Variants in CDADC1 observed in about 807,000 individuals in gnomAD.
CDADC1 encodes the protein dCTP deaminase.
A neutral mutation model predicts 54.9 loss-of-function variants in CDADC1; 39 were observed. The observed-to-expected ratio is 0.71, with a 90% CI of 0.55 to 0.93. The LOEUF (loss-of-function observed/expected upper bound fraction) is 0.93, where lower values mean the gene tolerates loss of function less well. Ranked by LOEUF, CDADC1 falls within the 40% of genes least tolerant of loss-of-function variation. CDADC1 has a pLI of 0.00. For missense variants in CDADC1, 518 were observed against 618.8 expected, an observed-to-expected ratio of 0.84 and a Z score of 1.73; for synonymous variants, 186 against 204.0, an observed-to-expected ratio of 0.91 and a Z score of 0.75.
intron 1 of CDADC1, 79 bp from the exon 2 acceptor site, chr13:49,248,792 G>T: frequency 1.1e-6 from 1 of 879,364 alleles, no homozygotes. Context: ...TTAGGCTGCA[G>T]CACCTAAGTG....
chr13:49,269,939 G>A (rs1397827812), intron 5 of CDADC1, among the ~76,000 whole-genome samples: 3 of 152,058 alleles, frequency 2.0e-5, no homozygotes, highest in African/African-American at 4.8e-5. Flanking sequence ...CCCTGCTTAC[G>A]CATTTGATGG....
chr13:49,272,447 C>T (rs1593826155), intron 5 of CDADC1, among the ~76,000 whole-genome samples: 1 of 152,060 alleles, frequency 6.6e-6, no homozygotes, highest in East Asian at 1.9e-4. Flanking sequence ...TCATCTCGTG[C>T]ACTCTGCTGT....
chr13:49,253,317 C>T (rs1226438224), intron 2 of CDADC1, among the ~76,000 whole-genome samples: 1 of 152,160 alleles, frequency 6.6e-6, no homozygotes, highest in African/African-American at 2.4e-5. Context: ...AATTGTTTCT[C>T]AGTCTTTTTT....
chr13:49,251,553 A>G (rs1256281626), intron 2 of CDADC1, among the ~76,000 whole-genome samples: 13 of 152,008 alleles, frequency 8.6e-5, no homozygotes, highest in Admixed American at 7.9e-4. Context: ...GCTGAAATTA[A>G]GTTTTTTTTT....
At chr13:49,281,939 C>G (rs1191035901) in intron 8 of CDADC1, among the ~76,000 whole-genome samples, 1 of 135,790 alleles carries the variant, frequency 7.4e-6, no homozygotes, top group Non-Finnish European at 1.6e-5. Flanking sequence ...CCCCACCCCC[C>G]AGTATCTGGG....
Position 49,292,501 on chromosome 13 carries a change from G to GA in CDADC1, c.*747dup. 1.9e-6 allele frequency: 2 copies of GA among 1,034,746 alleles called. No homozygotes were observed. The highest frequency in any genetic ancestry group is 2.3e-6 in the Non-Finnish European group (2 of 859,646). The allele number at this position is 1,034,746 out of a possible 1,614,324, so 64.1% of individuals were successfully genotyped here. On this transcript the variant is annotated 3_prime_UTR_variant, in exon 10 of 10. Transcript: ENST00000251108. Reference sequence around the variant, plus strand: ...AAGAAATATTTGAGTCTGGAATATTGAAACTAGCTTTCCTAGAATTCCATT... The same window carrying GA: ...AAGAAATATTTGAGTCTGGAATATTGAAAACTAGCTTTCCTAGAATTCCATT...
Position 49,253,036 on chromosome 13 carries a change from G to GA in CDADC1, c.178-2796dup, listed in dbSNP as rs924123245. On this transcript the variant is annotated intron_variant, in intron 2 of 9. Coordinates refer to ENST00000251108, the MANE Select transcript of CDADC1 (RefSeq NM_030911.4). ...GAGTACAAACTTTTTCCAATTAAGA[G>GA]AAAAAAAGTCTTCTTTAAGCTAAAG... 3.3e-5 allele frequency among the ~76,000 whole-genome samples: 5 copies of GA among 151,960 alleles called. No individual in the cohort carries two copies. The South Asian group carries it at 1.0e-3, about 32-fold the overall frequency.
intron 5 of CDADC1, among the ~76,000 whole-genome samples, chr13:49,269,588 C>T (rs1404550294): frequency 6.6e-6 from 1 of 152,118 alleles, no homozygotes; most frequent in Non-Finnish European, 1.5e-5. Context: ...TGTTTCTTTG[C>T]CAACTCCAGC....
intron 9 of CDADC1, among the ~76,000 whole-genome samples, chr13:49,291,481 C>A (rs947442351): frequency 2.0e-5 from 3 of 152,070 alleles, no homozygotes; most frequent in South Asian, 2.1e-4. Flanking sequence ...CAATGTGAAT[C>A]CAGTTTTTAA....
At chr13:49,279,477 C>A (rs1001735344) in intron 7 of CDADC1, among the ~76,000 whole-genome samples, 6 of 152,124 alleles carry the variant, frequency 3.9e-5, no homozygotes, top group African/African-American at 1.4e-4. Flanking sequence ...TGTTTAGGAG[C>A]ATGAATATTC....
intron 5 of CDADC1, among the ~76,000 whole-genome samples, chr13:49,271,897 G>A (rs942338614): frequency 2.0e-5 from 3 of 152,184 alleles, no homozygotes; most frequent in Non-Finnish European, 4.4e-5. Flanking sequence ...AGATTTTTGA[G>A]AAATTACCTC....
chr13:49,247,931 C>A lies in CDADC1; in HGVS notation c.-107C>A. 1.0e-6 allele frequency: 1 copy of A among 959,580 alleles called. No homozygotes were observed. The highest frequency in any genetic ancestry group is 1.6e-6 in the Non-Finnish European group (1 of 615,530). 59.4% of individuals were successfully genotyped at this position (959,580 alleles called of 1,614,324 possible). ...GCGTCATCTGGCTGCGCCTAGTGGG[C>A]CGTTGCCTTACAGTTGCTGAGAGGA... On this transcript the variant is annotated 5_prime_UTR_variant, in exon 1 of 10. Transcript: ENST00000251108.
At chr13:49,282,236 G>GGTTTTTTTTTTTTTTTTT (rs1555315245) in intron 8 of CDADC1, among the ~76,000 whole-genome samples, 2 of 94,140 alleles carry the variant, frequency 2.1e-5, no homozygotes, top group Middle Eastern at 7.6e-3. Context: ...GTTTTTGTGG[G>GGTTTTTTTTTTTTTTTTT]TTTTTTTTTT....
chr13:49,268,136 T>C, intron 5 of CDADC1, 77 bp downstream of exon 5: 1 of 1,158,560 alleles, frequency 8.6e-7, no homozygotes, highest in Non-Finnish European at 1.2e-6. Context: ...TCATTTATGG[T>C]AGAGTTCATT....
At chr13:49,291,344 A>AAT (rs1555316657) in intron 9 of CDADC1, among the ~76,000 whole-genome samples, 50 of 150,042 alleles carry the variant, frequency 3.3e-4, no homozygotes, top group Admixed American at 7.3e-4. Context: ...AAAAAAAAAA[A>AAT]TTTTTTTTGT....
intron 9 of CDADC1, among the ~76,000 whole-genome samples, chr13:49,289,962 C>T (rs1031727227): frequency 8.5e-5 from 13 of 152,148 alleles, no homozygotes; most frequent in African/African-American, 2.9e-4. Flanking sequence ...AGGAGGATCA[C>T]CTGAGCCCAG....
chr13:49,261,541 T>C (rs1202733485), intron 4 of CDADC1, among the ~76,000 whole-genome samples: 1 of 152,224 alleles, frequency 6.6e-6, no homozygotes, highest in African/African-American at 2.4e-5. Flanking sequence ...TTTTTGTTGT[T>C]ATTGCTGTTA....
intron 4 of CDADC1, among the ~76,000 whole-genome samples, chr13:49,265,521 C>T (rs1389125380): frequency 1.3e-5 from 2 of 152,002 alleles, no homozygotes; most frequent in African/African-American, 2.4e-5. Flanking sequence ...ATTGTTTTTC[C>T]TTTTACTATT....
At chr13:49,265,867 C>T in intron 4 of CDADC1, 1 of 1,300,316 alleles carries the variant, frequency 7.7e-7, no homozygotes, top group Non-Finnish European at 1.0e-6. Context: ...GATTTTTCCC[C>T]TCTTGAATCA....
Sources: gnomAD v4.1 joint callset for allele counts (sites outside exome capture counted in the v4.1 genomes callset) on GRCh38, gnomAD v4.1.1 for gene constraint, MANE v1.5 for transcripts, NCBI Gene and HGNC (gene_info 2026-07-23, HGNC 2026-07-21) for gene names.